The following BCAS1 variants were observed in gnomAD, a reference collection of about 807,000 sequenced individuals.
BCAS1 encodes the protein breast carcinoma-amplified sequence 1.
In BCAS1, 46 loss-of-function variants were observed where a neutral mutation model predicts 65.4. The ratio of observed to expected loss-of-function variants is 0.70; its 90% CI spans 0.55 to 0.90. The LOEUF (loss-of-function observed/expected upper bound fraction) is 0.90. BCAS1 is among the 40% of genes least tolerant of loss of function. The probability of loss-of-function intolerance (pLI) is 0.00; values close to 1 mark genes in which losing one functional copy is unlikely to be tolerated. For synonymous variants in BCAS1, 298 were observed against 293.5 expected, an observed-to-expected ratio of 1.02 and a Z score of -0.16; for missense variants, 793 against 771.2, an observed-to-expected ratio of 1.03 and a Z score of -0.33.
intron 8 of BCAS1, among the ~76,000 whole-genome samples, chr20:53,976,661 A>G (rs759016110): frequency 1.1e-4 from 16 of 152,230 alleles, no homozygotes; most frequent in Admixed American, 9.8e-4. Flanking sequence ...TTTATTTTAC[A>G]TCTAAAAGCC....
At chr20:54,027,798 A>C (rs1451767984) in intron 4 of BCAS1, among the ~76,000 whole-genome samples, 1 of 139,224 alleles carries the variant, frequency 7.2e-6, no homozygotes, top group Non-Finnish European at 1.5e-5. Flanking sequence ...AAACCCCCCA[A>C]AAAACAAAAA....
chr20:54,028,100 G>A (rs546739615), intron 4 of BCAS1, among the ~76,000 whole-genome samples: 2 of 152,278 alleles, frequency 1.3e-5, no homozygotes, highest in Admixed American at 6.5e-5. Context: ...AACGCAACCT[G>A]TCTACTTCCG....
intron 3 of BCAS1, among the ~76,000 whole-genome samples, chr20:54,038,433 T>C (rs1381983): frequency 0.19 from 28,757 of 151,016 alleles, 3,508 homozygotes; most frequent in East Asian, 0.32. Context: ...TGGATTCCAG[T>C]TCCCATAGTG....
At chr20:54,049,672 C>G (rs1250279186) in intron 3 of BCAS1, among the ~76,000 whole-genome samples, 1 of 152,042 alleles carries the variant, frequency 6.6e-6, no homozygotes, top group African/African-American at 2.4e-5. Flanking sequence ...TCCCAGAGTG[C>G]TGGGATTTTA....
At chr20:53,950,413 T>C (rs946707095) in intron 12 of BCAS1, among the ~76,000 whole-genome samples, 9 of 148,192 alleles carry the variant, frequency 6.1e-5, no homozygotes, top group Admixed American at 6.9e-5. Flanking sequence ...AATTTTGGGA[T>C]CCACCGATTA....
intron 4 of BCAS1, among the ~76,000 whole-genome samples, chr20:54,009,517 C>A (rs186909372): frequency 6.6e-6 from 1 of 151,984 alleles, no homozygotes; most frequent in Non-Finnish European, 1.5e-5. Flanking sequence ...TATAACTGAC[C>A]CAATATAATA....
At chr20:54,041,760 G>A (rs998110497) in intron 3 of BCAS1, among the ~76,000 whole-genome samples, 3 of 151,388 alleles carry the variant, frequency 2.0e-5, no homozygotes, top group Non-Finnish European at 3.0e-5. Context: ...ATAGCTGGGC[G>A]TAGTGGCGGG....
chr20:54,032,160 G>C (rs558591297), intron 3 of BCAS1, among the ~76,000 whole-genome samples: 10 of 151,498 alleles, frequency 6.6e-5, no homozygotes, highest in African/African-American at 2.4e-4. Flanking sequence ...AGCCAGAAGA[G>C]ATTGAGGACC....
intron 4 of BCAS1, among the ~76,000 whole-genome samples, chr20:54,006,682 C>A (rs1482686119): frequency 1.3e-5 from 2 of 149,984 alleles, no homozygotes; most frequent in Non-Finnish European, 2.9e-5. Context: ...TGCACTCCAG[C>A]CTGGGCGACA....
chr20:53,952,854 C>T (rs58352535), intron 12 of BCAS1, among the ~76,000 whole-genome samples: 2,837 of 151,748 alleles, frequency 0.019, 96 homozygotes, highest in African/African-American at 0.065. Flanking sequence ...GCTCTCTGAA[C>T]CTCTTTGGGT....
intron 3 of BCAS1, among the ~76,000 whole-genome samples, chr20:54,041,759 C>T (rs900804376): frequency 2.6e-5 from 4 of 151,578 alleles, no homozygotes; most frequent in South Asian, 2.1e-4. Flanking sequence ...AATAGCTGGG[C>T]GTAGTGGCGG....
intron 1 of BCAS1, among the ~76,000 whole-genome samples, chr20:54,065,125 T>C (rs1419469930): frequency 7.2e-6 from 1 of 139,306 alleles, no homozygotes; most frequent in African/African-American, 2.5e-5. Flanking sequence ...TCTATCTATC[T>C]ATCTATCTAT....
At position 53,995,936 on chromosome 20, in the gene BCAS1, T is replaced by C. The variant is rs1341424966; in HGVS notation, c.838A>G (p.Ile280Val). 1.9e-6 allele frequency: 3 copies of C among 1,613,692 alleles called. No homozygotes were observed. Among genetic ancestry groups the C allele is most frequent in the Non-Finnish European group, 2.5e-6 (3 of 1,179,824 alleles). Reference sequence around the variant, plus strand: ...ATGATGGAATTATTATTCTCTGCTATAGCTGCTGCCTGGGAATCGTCCTTT... The same window carrying C: ...ATGATGGAATTATTATTCTCTGCTACAGCTGCTGCCTGGGAATCGTCCTTT... ...TAKDDSQAAA[I>V]AENNNSIMSF... Residue 280 changes from isoleucine (I) to valine (V), a missense_variant, in exon 5 of 13, where the codon ATA (isoleucine) becomes GTA (valine). Transcript: ENST00000688948.
intron 1 of BCAS1, among the ~76,000 whole-genome samples, chr20:54,067,747 A>T (rs1175591685): frequency 1.3e-5 from 2 of 152,222 alleles, no homozygotes; most frequent in Admixed American, 6.5e-5. Flanking sequence ...AGGCAGCTAG[A>T]CGACTGTTGA....
intron 12 of BCAS1, among the ~76,000 whole-genome samples, chr20:53,948,949 T>C (rs1469699456): frequency 1.3e-5 from 2 of 152,124 alleles, no homozygotes; most frequent in Non-Finnish European, 2.9e-5. Context: ...GTCACAAGCC[T>C]CGGTTCAGCC....
intron 8 of BCAS1, 107 bp from the exon 9 acceptor site, chr20:53,975,537 G>A (rs924720962): frequency 2.7e-6 from 2 of 729,438 alleles, no homozygotes; most frequent in African/African-American, 1.8e-5. Context: ...GTGCGTTCGG[G>A]GACACTGAAT....
chr20:53,954,142 G>C (rs1232344383), intron 11 of BCAS1, among the ~76,000 whole-genome samples: 1 of 152,202 alleles, frequency 6.6e-6, no homozygotes, highest in African/African-American at 2.4e-5. Flanking sequence ...GCTAATCTCA[G>C]AGCTTTGCTG....
chr20:54,046,419 C>T (rs957059295), intron 3 of BCAS1, among the ~76,000 whole-genome samples: 1 of 149,936 alleles, frequency 6.7e-6, no homozygotes, highest in Non-Finnish European at 1.5e-5. Context: ...ATCCCAGCTA[C>T]TTGGGAGGCT....
intron 3 of BCAS1, among the ~76,000 whole-genome samples, chr20:54,050,666 C>T (rs921231187): frequency 2.6e-5 from 4 of 152,200 alleles, no homozygotes; most frequent in South Asian, 4.1e-4. Flanking sequence ...GCGAGGCCAA[C>T]GTGTCATCTC....
Sources: allele counts gnomAD v4.1 joint callset (sites outside exome capture counted in the v4.1 genomes callset), GRCh38; gene constraint gnomAD v4.1.1; transcripts MANE v1.5; gene names NCBI Gene and HGNC (gene_info 2026-07-23, HGNC 2026-07-21).